Variants in QTMAN observed in about 807,000 individuals in gnomAD.
QTMAN encodes queuosine-tRNA mannosyltransferase.
chr2:143,986,727 G>T, the QTMAN span, among the ~76,000 whole-genome samples: 1 of 152,044 alleles, frequency 6.6e-6, no homozygotes, highest in African/African-American at 2.4e-5. Context: ...AAACCCTTGG[G>T]GACATAACAC....
the QTMAN span, among the ~76,000 whole-genome samples, chr2:143,971,503 G>T: frequency 6.6e-6 from 1 of 152,030 alleles, no homozygotes. Flanking sequence ...CTTTGTAAAT[G>T]ATAGAATGAG....
chr2:144,306,633 A>T, the QTMAN span, among the ~76,000 whole-genome samples: 1 of 152,172 alleles, frequency 6.6e-6, no homozygotes, highest in South Asian at 2.1e-4. Flanking sequence ...ATTTTGAGGG[A>T]ACACACACAG....
chr2:144,112,705 C>G, the QTMAN span, among the ~76,000 whole-genome samples: 1 of 152,232 alleles, frequency 6.6e-6, no homozygotes, highest in Non-Finnish European at 1.5e-5. Flanking sequence ...TCTCCACCCC[C>G]ACCAGTGCCA....
chr2:144,130,017 GT>G, the QTMAN span, among the ~76,000 whole-genome samples: 4 of 150,228 alleles, frequency 2.7e-5, no homozygotes, highest in Non-Finnish European at 5.9e-5. Flanking sequence ...AAATAACATA[GT>G]AGGAAGGCTT....
At chr2:144,182,831 A>T in the QTMAN span, among the ~76,000 whole-genome samples, 44 of 67,814 alleles carry the variant, frequency 6.5e-4, no homozygotes, top group African/African-American at 2.7e-3. Context: ...TATATATAAT[A>T]TATATATATT....
the QTMAN span, among the ~76,000 whole-genome samples, chr2:144,177,699 T>A: frequency 2.6e-5 from 4 of 152,170 alleles, no homozygotes; most frequent in Non-Finnish European, 5.9e-5. Context: ...AAAGGATTAA[T>A]GTGCCCTAGA....
chr2:144,195,554 A>C, the QTMAN span, among the ~76,000 whole-genome samples: 8 of 152,154 alleles, frequency 5.3e-5, no homozygotes, highest in African/African-American at 1.9e-4. Flanking sequence ...ACAAATATTA[A>C]GTTCATGTTT....
At chr2:144,255,297 G>A in the QTMAN span, among the ~76,000 whole-genome samples, 1 of 152,112 alleles carries the variant, frequency 6.6e-6, no homozygotes, top group Non-Finnish European at 1.5e-5. Flanking sequence ...TGAATCATGA[G>A]GGCAGTTACC....
the QTMAN span, among the ~76,000 whole-genome samples, chr2:144,236,299 C>T: frequency 3.3e-5 from 5 of 152,096 alleles, no homozygotes; most frequent in Non-Finnish European, 4.4e-5. Context: ...AAGAATACTA[C>T]TTTCTGGGAG....
chr2:144,042,712 C>T, the QTMAN span, among the ~76,000 whole-genome samples: 3 of 148,486 alleles, frequency 2.0e-5, no homozygotes, highest in Non-Finnish European at 3.0e-5. Context: ...TGCAGTGAGC[C>T]GAGACTGCAC....
At chr2:144,054,449 G>A in the QTMAN span, among the ~76,000 whole-genome samples, 1 of 152,178 alleles carries the variant, frequency 6.6e-6, no homozygotes, top group African/African-American at 2.4e-5. Flanking sequence ...GGTAACGGAA[G>A]CCCACAGAGG....
chr2:143,971,394 T>C, the QTMAN span, among the ~76,000 whole-genome samples: 2 of 152,142 alleles, frequency 1.3e-5, no homozygotes, highest in African/African-American at 4.8e-5. Flanking sequence ...AGGAGTGGAG[T>C]TATGCCCATA....
At chr2:144,179,102 C>T in the QTMAN span, 1 of 340,166 alleles carries the variant, frequency 2.9e-6, no homozygotes, top group South Asian at 2.4e-5. Context: ...AGATTACCCT[C>T]AACTAGAATT....
At chr2:143,995,391 G>A in the QTMAN span, among the ~76,000 whole-genome samples, 3 of 152,066 alleles carry the variant, frequency 2.0e-5, no homozygotes, top group African/African-American at 4.8e-5. Context: ...TGAGAGTCCC[G>A]TGTGAGCTAA....
At chr2:144,327,114 T>A in the QTMAN span, among the ~76,000 whole-genome samples, 1 of 152,056 alleles carries the variant, frequency 6.6e-6, no homozygotes, top group Admixed American at 6.6e-5. Context: ...AGGAATGCTG[T>A]CATAAAGTTT....
the QTMAN span, among the ~76,000 whole-genome samples, chr2:144,200,428 T>C: frequency 6.6e-6 from 1 of 152,214 alleles, no homozygotes; most frequent in Non-Finnish European, 1.5e-5. Context: ...TCTAGACCAG[T>C]GGTGTCCAAT....
the QTMAN span, among the ~76,000 whole-genome samples, chr2:144,094,072 A>T: frequency 6.6e-6 from 1 of 152,232 alleles, no homozygotes; most frequent in African/African-American, 2.4e-5. Flanking sequence ...TTCATATCTC[A>T]ATGAGTTAAG....
At chr2:143,952,694 G>A in the QTMAN span, 5 of 1,052,934 alleles carry the variant, frequency 4.7e-6, no homozygotes, top group Non-Finnish European at 7.4e-6. Context: ...TCCTGCCTAA[G>A]TTTATTTTCA....
the QTMAN span, among the ~76,000 whole-genome samples, chr2:144,204,705 G>A: frequency 6.6e-6 from 1 of 152,054 alleles, no homozygotes; most frequent in African/African-American, 2.4e-5. Context: ...TATGTTTATT[G>A]TGGCACTATT....
Sources: allele counts gnomAD v4.1 joint callset (sites outside exome capture counted in the v4.1 genomes callset), GRCh38; gene constraint gnomAD v4.1.1; transcripts MANE v1.5; gene names NCBI Gene and HGNC (gene_info 2026-07-23, HGNC 2026-07-21).